The following ANKS1B variants were observed in gnomAD, a reference collection of about 807,000 sequenced individuals.
ANKS1B encodes the protein ankyrin repeat and sterile alpha motif domain containing 1B, also known as ankyrin repeat and sterile alpha motif domain-containing protein 1B.
Under a neutral mutation model 148.3 loss-of-function variants are expected in ANKS1B, and 36 were observed. That is an observed-to-expected ratio of 0.24 (90% confidence interval 0.19 to 0.32). The LOEUF (loss-of-function observed/expected upper bound fraction) is 0.32. ANKS1B is among the 10% of genes least tolerant of loss of function. The pLI is 1.00. For synonymous variants in ANKS1B, 542 were observed against 560.8 expected (o/e 0.97, Z 0.47); for missense variants, 1,157 against 1,542.6 (o/e 0.75, Z 4.19).
chr12:99,512,756 A>G (rs546447472), intron 9 of ANKS1B, among the ~76,000 whole-genome samples: 10 of 152,238 alleles, frequency 6.6e-5, no homozygotes, highest in South Asian at 6.2e-4. Context: ...TTGCAGGGAC[A>G]TGGATGGAGC....
chr12:99,805,382 G>A (rs944908478), intron 4 of ANKS1B, among the ~76,000 whole-genome samples: 1 of 151,012 alleles, frequency 6.6e-6, no homozygotes, highest in African/African-American at 2.4e-5. Flanking sequence ...CCAGAACTTG[G>A]GGATGCCAAG....
chr12:99,803,400 T>C (rs148159693), intron 4 of ANKS1B, among the ~76,000 whole-genome samples: 17 of 151,404 alleles, frequency 1.1e-4, no homozygotes, highest in African/African-American at 3.9e-4. Flanking sequence ...ATTCATTTCA[T>C]TGAGATATAT....
At chr12:98,835,474 A>G (rs1044479708) in intron 17 of ANKS1B, among the ~76,000 whole-genome samples, 3 of 152,252 alleles carry the variant, frequency 2.0e-5, no homozygotes, top group Admixed American at 2.0e-4. Flanking sequence ...TGTTAAACAA[A>G]TACACTGGAG....
chr12:99,513,108 G>C (rs2096782944), intron 9 of ANKS1B, among the ~76,000 whole-genome samples: 1 of 151,386 alleles, frequency 6.6e-6, no homozygotes, highest in Non-Finnish European at 1.5e-5. Context: ...CCATTACTCT[G>C]ATCAGTCAGT....
rs149406018 is a variant in ANKS1B at position 99,247,366 on chromosome 12, G to T, written c.1757-502C>A. Among the ~76,000 whole-genome samples, 302 of 152,190 alleles carry T rather than the reference G, an allele frequency of 2.0e-3. 1 individual carries two copies. Among genetic ancestry groups the T allele is most frequent in the African/African-American group, 7.0e-3 (292 of 41,538 alleles). Reference sequence around the variant, plus strand: ...AAAAAAGGTATTATTAAAAGTAATTGAAGTTTAATAATCCTGATATTACCT... The same window carrying T: ...AAAAAAGGTATTATTAAAAGTAATTTAAGTTTAATAATCCTGATATTACCT... On this transcript the variant is annotated intron_variant, in intron 12 of 26. Coordinates refer to ENST00000683438, the MANE Select transcript of ANKS1B (RefSeq NM_001352186.2).
chr12:99,609,026 T>C (rs1056701688), intron 9 of ANKS1B, among the ~76,000 whole-genome samples: 1 of 151,946 alleles, frequency 6.6e-6, no homozygotes, highest in Non-Finnish European at 1.5e-5. Context: ...AAGTTCCACA[T>C]TGTCCTCAAC....
chr12:99,854,112 C>A (rs1446016164), intron 1 of ANKS1B, among the ~76,000 whole-genome samples: 2 of 152,128 alleles, frequency 1.3e-5, no homozygotes, highest in African/African-American at 4.8e-5. Context: ...CCTGGGTTCA[C>A]GCCATTCTCC....
At chr12:99,399,148 C>T (rs766284682) in intron 12 of ANKS1B, among the ~76,000 whole-genome samples, 27 of 152,022 alleles carry the variant, frequency 1.8e-4, no homozygotes, top group African/African-American at 6.5e-4. Context: ...TGTTATTTTT[C>T]TTAATCTTAC....
intron 17 of ANKS1B, among the ~76,000 whole-genome samples, chr12:98,836,721 CTG>C (rs1396329506): frequency 2.6e-5 from 4 of 152,166 alleles, no homozygotes; most frequent in African/African-American, 7.2e-5. Context: ...GAGAAGAATT[CTG>C]TGTTTTCGTT....
At chr12:99,885,391 C>T (rs2092769357) in intron 1 of ANKS1B, among the ~76,000 whole-genome samples, 1 of 150,356 alleles carries the variant, frequency 6.7e-6, no homozygotes, top group African/African-American at 2.5e-5. Context: ...AGCTCTGCCT[C>T]CCGGGTTCCT....
At position 99,597,251 on chromosome 12, in the gene ANKS1B, G is replaced by GGAGAGA. The variant is rs3081683; in HGVS notation, c.1272+57810_1272+57815dup. 8.1e-3 allele frequency among the ~76,000 whole-genome samples: 1,214 copies of GGAGAGA among 149,534 alleles called. 21 individuals are homozygous for GGAGAGA. The highest frequency in any genetic ancestry group is 0.028 in the African/African-American group (1,141 of 40,780). ...GCCTTTACAACATTTAATGTCTGAGGGAGAGAGAGAGAGAGAGACAGAGAG... is the reference window on the plus strand; with the variant it reads ...GCCTTTACAACATTTAATGTCTGAGGGAGAGAGAGAGAGAGAGAGAGAGACAGAGAG... On this transcript the variant is annotated intron_variant, in intron 9 of 26. Transcript: ENST00000683438.
intron 14 of ANKS1B, among the ~76,000 whole-genome samples, chr12:99,169,106 G>A (rs1254039155): frequency 6.6e-6 from 1 of 152,058 alleles, no homozygotes; most frequent in Non-Finnish European, 1.5e-5. Flanking sequence ...TATGTTCTAA[G>A]CATTTTGCCA....
intron 17 of ANKS1B, among the ~76,000 whole-genome samples, chr12:98,893,919 C>G (rs753440827): frequency 6.6e-6 from 1 of 152,216 alleles, no homozygotes; most frequent in Non-Finnish European, 1.5e-5. Context: ...CTGATAAACA[C>G]AGGACCTTGT....
At chr12:99,456,626 A>C (rs1457649219) in intron 10 of ANKS1B, among the ~76,000 whole-genome samples, 1 of 152,206 alleles carries the variant, frequency 6.6e-6, no homozygotes, top group East Asian at 1.9e-4. Context: ...TACAAAATGC[A>C]CTGGGAAGTC....
chr12:98,780,940 T>A (rs114800168), intron 24 of ANKS1B, among the ~76,000 whole-genome samples, 177 bp downstream of exon 24: 23,912 of 151,836 alleles, frequency 0.16, 2,988 homozygotes, highest in African/African-American at 0.36. Context: ...TGTATGAAGG[T>A]GTGTATGTGT....
intron 9 of ANKS1B, among the ~76,000 whole-genome samples, chr12:99,626,953 G>T (rs1654974537): frequency 1.3e-5 from 2 of 152,074 alleles, no homozygotes; most frequent in African/African-American, 4.8e-5. Context: ...AATATGCACT[G>T]GCCATTCAAA....
intron 17 of ANKS1B, among the ~76,000 whole-genome samples, chr12:98,908,473 C>T (rs1291410915): frequency 6.6e-6 from 1 of 152,136 alleles, no homozygotes; most frequent in African/African-American, 2.4e-5. Context: ...TGGGGTGGTT[C>T]CCTAACTTCT....
At chr12:99,554,764 CA>C (rs2097258810) in intron 9 of ANKS1B, among the ~76,000 whole-genome samples, 1 of 152,104 alleles carries the variant, frequency 6.6e-6, no homozygotes, top group South Asian at 2.1e-4. Flanking sequence ...TTGTGTGTCA[CA>C]GGGGTTTGGA....
At chr12:99,561,615 T>A (rs1351796452) in intron 9 of ANKS1B, among the ~76,000 whole-genome samples, 2 of 152,182 alleles carry the variant, frequency 1.3e-5, no homozygotes, top group African/African-American at 2.4e-5. Flanking sequence ...ACCACTTTTT[T>A]TTTTGCTCAT....
Sources: allele counts gnomAD v4.1 joint callset (sites outside exome capture counted in the v4.1 genomes callset), GRCh38; gene constraint gnomAD v4.1.1; transcripts MANE v1.5; gene names NCBI Gene and HGNC (gene_info 2026-07-23, HGNC 2026-07-21).